The following CDH23 variants were observed in gnomAD, a reference collection of about 807,000 sequenced individuals.
CDH23 encodes cadherin related 23.
CDH23 carries 189 observed loss-of-function variants against 317.1 expected under a neutral mutation model. The ratio of observed to expected loss-of-function variants is 0.60; its 90% CI spans 0.53 to 0.67. CDH23 has a LOEUF of 0.67. Ranked by LOEUF, CDH23 falls within the 30% of genes least tolerant of loss-of-function variation. CDH23 has a pLI of 0.00. For missense variants in CDH23, 4,401 were observed against 4,592.4 expected, an observed-to-expected ratio of 0.96 and a Z score of 1.20; for synonymous variants, 1,839 against 1,876.8, an observed-to-expected ratio of 0.98 and a Z score of 0.52.
rs2133007806 is a variant in CDH23, at chr10:71,812,754, T to C, written c.9511-14T>C. 2 of 1,612,996 alleles carry C rather than the reference T, an allele frequency of 1.2e-6. No individual in the cohort carries two copies. The highest frequency in any genetic ancestry group is 2.2e-5 in the East Asian group (1 of 44,844). On this transcript the variant is annotated splice_polypyrimidine_tract_variant and intron_variant, in intron 67 of 69. Coordinates refer to ENST00000224721, the MANE Select transcript of CDH23 (RefSeq NM_022124.6). ...GGGTCTGCCTCTGCTCCAGCTAACA[T>C]CCCCTCTCCCCAGGGAACTTTTGGG...
chr10:71,625,613 T>G (rs559984929), intron 11 of CDH23, among the ~76,000 whole-genome samples: 70 of 152,194 alleles, frequency 4.6e-4, no homozygotes, highest in African/African-American at 1.6e-3. Context: ...CCCACAACCT[T>G]GTATTTATTT....
intron 9 of CDH23, among the ~76,000 whole-genome samples, chr10:71,613,372 G>T (rs917922791): frequency 6.6e-6 from 1 of 152,210 alleles, no homozygotes; most frequent in African/African-American, 2.4e-5. Flanking sequence ...GCTGGGAAAG[G>T]AAGCCTTAGG....
intron 44 of CDH23, among the ~76,000 whole-genome samples, chr10:71,788,107 G>A (rs946904456): frequency 2.0e-5 from 3 of 152,178 alleles, no homozygotes; most frequent in African/African-American, 7.2e-5. Flanking sequence ...GAGTACAGTG[G>A]CACAATCTCG....
chr10:71,407,140 T>C (rs1848130392), intron 1 of CDH23, among the ~76,000 whole-genome samples: 1 of 152,196 alleles, frequency 6.6e-6, no homozygotes, highest in African/African-American at 2.4e-5. Context: ...GCAGTCTGAT[T>C]CCTTGATCAT....
chr10:71,785,531 A>T, intron 43 of CDH23, 100 bp from the exon 44 acceptor site: 1 of 789,532 alleles, frequency 1.3e-6, no homozygotes. Context: ...ATCATCTCTT[A>T]GGCAATTTAG....
chr10:71,646,182 G>A (rs1427242093), intron 13 of CDH23, among the ~76,000 whole-genome samples: 1 of 151,614 alleles, frequency 6.6e-6, no homozygotes, highest in East Asian at 2.0e-4. Flanking sequence ...GATATGTCCA[G>A]TAATTGAGTG....
At chr10:71,796,450 C>G (rs1257165364) in intron 48 of CDH23, among the ~76,000 whole-genome samples, 1 of 152,158 alleles carries the variant, frequency 6.6e-6, no homozygotes, top group African/African-American at 2.4e-5. Flanking sequence ...CCATGTCACT[C>G]CCTATTTAAT....
intron 3 of CDH23, among the ~76,000 whole-genome samples, chr10:71,459,840 C>T (rs975499311): frequency 9.2e-5 from 14 of 152,196 alleles, no homozygotes; most frequent in East Asian, 1.9e-4. Flanking sequence ...CTTCTTCATA[C>T]GGTGGCTCTC....
intron 41 of CDH23, 105 bp downstream of exon 41, chr10:71,779,552 A>AT (rs1446325336): frequency 1.1e-6 from 1 of 921,824 alleles, no homozygotes; most frequent in Non-Finnish European, 1.6e-6. Context: ...CCATTGTGTG[A>AT]TTTTGTCCTC....
chr10:71,770,521 G>A (rs1260208842), intron 38 of CDH23, among the ~76,000 whole-genome samples: 1 of 152,240 alleles, frequency 6.6e-6, no homozygotes, highest in African/African-American at 2.4e-5. Context: ...TGGGGCCACT[G>A]GAAGCCACAG....
rs375918283 is a variant in CDH23 at position 71,695,469 on chromosome 10, G to A, written c.2341G>A (p.Ala781Thr). Reference sequence around the variant, plus strand: ...TGACAACCACCCCACGTGGAAGGACGCACCCTACTACATCAACCTGGTGGA... The same window carrying A: ...TGACAACCACCCCACGTGGAAGGACACACCCTACTACATCAACCTGGTGGA... Reference protein sequence around the residue: ...INDNHPTWKDAPYYINLVEMT... With the variant: ...INDNHPTWKDTPYYINLVEMT... The change falls in exon 22 of 70, where the codon GCA becomes ACA. Residue 781 changes from alanine to threonine, a missense_variant. Physicochemically the swap from Ala to Thr is moderately conservative, Grantham distance 58. Coordinates refer to ENST00000224721, the MANE Select transcript of CDH23 (RefSeq NM_022124.6). 4.6e-5 allele frequency: 75 copies of A among 1,613,536 alleles called. No individual in the cohort carries two copies. The African/African-American group carries it at 9.2e-4, about 20-fold the overall frequency.
At chr10:71,441,807 G>A (rs1477597607) in intron 2 of CDH23, among the ~76,000 whole-genome samples, 1 of 152,156 alleles carries the variant, frequency 6.6e-6, no homozygotes, top group Non-Finnish European at 1.5e-5. Context: ...GTGAGACACG[G>A]CAGTCTCCCC....
chr10:71,809,860 G>A lies in CDH23; in HGVS notation c.8763G>A (p.Met2921Ile), dbSNP rs775534397. ...DGILRTFDLF[M>I]AYSPGYFVVD... is the part of the protein sequence containing the mutation. Reference sequence around the variant, plus strand: ...TTCTGCGCACCTTCGACCTCTTCATGGCCTACAGCCCCGGCTACTTCGTGG... The same window carrying A: ...TTCTGCGCACCTTCGACCTCTTCATAGCCTACAGCCCCGGCTACTTCGTGG... The change falls in exon 61 of 70, where the codon ATG (methionine) becomes ATA (isoleucine). Residue 2921 changes from methionine (M) to isoleucine (I), a missense_variant. Met to Ile is a conservative substitution (Grantham distance 10). Around this residue, in one of 3 missense-constraint regions of CDH23, gnomAD observed 1,144 missense variants for 1,138.2 expected, o/e 1.01. Coordinates refer to ENST00000224721, the MANE Select transcript of CDH23 (RefSeq NM_022124.6). 1 of 1,613,376 alleles carries A rather than the reference G, an allele frequency of 6.2e-7. No individual in the cohort carries two copies. The highest frequency in any genetic ancestry group is 8.5e-7 in the Non-Finnish European group (1 of 1,179,908).
chr10:71,403,396 T>TC (rs1491180294), intron 1 of CDH23, among the ~76,000 whole-genome samples: 55 of 97,364 alleles, frequency 5.6e-4, no homozygotes, highest in East Asian at 2.9e-3. Flanking sequence ...TCTTTCTTTC[T>TC]TTCTTTCTTT....
chr10:71,774,049 GCGCA>G (rs139023665), intron 38 of CDH23, among the ~76,000 whole-genome samples: 32,918 of 145,196 alleles, frequency 0.23, 3,767 homozygotes, highest in Non-Finnish European at 0.27. Context: ...GCATGCGCGC[GCGCA>G]CACACACACA....
chr10:71,633,511 G>T (rs1399864863), intron 11 of CDH23, among the ~76,000 whole-genome samples: 1 of 152,124 alleles, frequency 6.6e-6, no homozygotes, highest in Non-Finnish European at 1.5e-5. Flanking sequence ...TGACACACAG[G>T]ACTGTCACCA....
At chr10:71,687,847 C>A in intron 19 of CDH23, 128 bp downstream of exon 19, 1 of 860,690 alleles carries the variant, frequency 1.2e-6, no homozygotes, top group Non-Finnish European at 1.9e-6. Context: ...CTTTCCCCGG[C>A]CAAGCTCCTT....
intron 1 of CDH23, among the ~76,000 whole-genome samples, chr10:71,408,954 C>T (rs184431881): frequency 3.3e-5 from 5 of 152,080 alleles, no homozygotes; most frequent in African/African-American, 7.2e-5. Flanking sequence ...CATGTGTGCA[C>T]GTGTGTGTGT....
chr10:71,521,899 G>GC (rs1233786429), intron 6 of CDH23, among the ~76,000 whole-genome samples: 2 of 152,054 alleles, frequency 1.3e-5, no homozygotes, highest in Non-Finnish European at 2.9e-5. Flanking sequence ...GTGGCCCCTG[G>GC]CCCCCCACCT....
Sources: gnomAD v4.1 joint callset for allele counts (sites outside exome capture counted in the v4.1 genomes callset) on GRCh38, gnomAD v4.1.1 for gene constraint, gnomAD v4.1.1 regional missense constraint, MANE v1.5 for transcripts, NCBI Gene and HGNC (gene_info 2026-07-23, HGNC 2026-07-21) for gene names.